Variants in PTCH1 observed in about 807,000 individuals in gnomAD.
PTCH1 encodes the protein protein patched homolog 1.
Under a neutral mutation model 144.6 loss-of-function variants are expected in PTCH1, and 14 were observed. The ratio of observed to expected loss-of-function variants is 0.10; its 90% CI spans 0.06 to 0.15. The LOEUF (loss-of-function observed/expected upper bound fraction) is 0.15. Ranked by LOEUF, PTCH1 falls within the 10% of genes least tolerant of loss-of-function variation. The pLI, the probability that PTCH1 is intolerant of heterozygous loss-of-function variation, is 1.00. For synonymous variants in PTCH1, 833 were observed against 793.6 expected (o/e 1.05, Z -0.83); for missense variants, 1,623 against 1,948.3 (o/e 0.83, Z 3.14).
intron 19 of PTCH1, among the ~76,000 whole-genome samples, chr9:95,455,660 G>A (rs1838846834): frequency 6.6e-6 from 1 of 152,192 alleles, no homozygotes; most frequent in African/African-American, 2.4e-5. Context: ...AAAAATGTCT[G>A]TTGAAAGCAA....
intron 22 of PTCH1, among the ~76,000 whole-genome samples, chr9:95,448,401 C>G (rs544474136): frequency 2.0e-5 from 3 of 152,200 alleles, no homozygotes; most frequent in African/African-American, 7.2e-5. Flanking sequence ...CAGGGCTGAG[C>G]CCATCCCAGG....
At chr9:95,494,663 C>A (rs1422924070) in intron 2 of PTCH1, among the ~76,000 whole-genome samples, 1 of 152,152 alleles carries the variant, frequency 6.6e-6, no homozygotes, top group African/African-American at 2.4e-5. Flanking sequence ...TGATGACGAG[C>A]GCGCGCTGGC....
chr9:95,516,833 G>C, exon 1 of PTCH1: 1 of 1,592,532 alleles, frequency 6.3e-7, no homozygotes, highest in Non-Finnish European at 8.5e-7. Context: ...CCCTCGGCGT[G>C]GGTGGTCTGC....
At position 95,446,956 on chromosome 9, in the gene PTCH1, C is replaced by T. The variant is rs1564004355; in HGVS notation, c.4300G>A (p.Asp1434Asn). ...DSKVEVIELQ[D>N]VECEERPRGS... The stretch of plus-strand genomic sequence containing the variant: ...CGGGGCCTCTCCTCGCATTCCACGT[C>T]CTGCAGCTCAATGACTTCCACCTTC... Residue 1434 changes from aspartate (D) to asparagine (N), a missense_variant, in exon 23 of 24, where the codon GAC becomes AAC. Asp to Asn is a conservative substitution (Grantham distance 23). This residue lies in a region of PTCH1 where 291 missense variants were observed against 287.4 expected (regional missense o/e 1.01). Transcript: ENST00000331920. 2 of 1,614,212 alleles carry T rather than the reference C, an allele frequency of 1.2e-6. No individual in the cohort carries two copies. Among genetic ancestry groups the T allele is most frequent in the African/African-American group, 2.7e-5 (2 of 75,048 alleles).
Position 95,446,339 on chromosome 9 carries a change from T to TG in PTCH1, c.*53dup. ...CTCTTCAAGCAGTTCTGGAAAGAGG[T>TG]GGGGGTGGGGGGTTTCCAATCTTTG... On this transcript the variant is annotated 3_prime_UTR_variant, in exon 24 of 24. Transcript: ENST00000331920. 2.2e-6 allele frequency: 1 copy of TG among 460,996 alleles called. No homozygotes were observed. The highest frequency in any genetic ancestry group is 4.2e-6 in the Non-Finnish European group (1 of 237,372). 28.6% of individuals were successfully genotyped at this position (460,996 alleles called of 1,614,324 possible). A position where few individuals can be genotyped will look rare whatever the true frequency, so the allele number is the denominator to read the frequency against.
chr9:95,449,087 G>A lies in PTCH1; in HGVS notation c.3786C>T (p.Pro1262=), dbSNP rs756182319. 2.0e-5 allele frequency: 33 copies of A among 1,614,092 alleles called. No individual in the cohort carries two copies. The East Asian group carries it at 4.5e-4, about 22-fold the overall frequency. Residue 1262 remains proline, a synonymous_variant, in exon 22 of 24, where the codon CCC becomes CCT. Transcript: ENST00000331920. This position sits in a 1 kb window ranked among gnomAD's most constrained non-coding sequence, Gnocchi z 5.3. The part of the protein sequence containing the change: ...HQVIVEATEN[P]VFAHSTVVHP... ...CACTTACAGTGGAGTGGGCGAAGAC[G>A]GGGTTTTCTGTGGCTTCCACGATCA...
chr9:95,447,222 C>A lies in PTCH1; in HGVS notation c.4034G>T (p.Arg1345Leu). Residue 1345 changes from arginine (R) to leucine (L), a missense_variant, in exon 23 of 24, where the codon CGT (arginine) becomes CTT (leucine). Coordinates refer to ENST00000331920, the MANE Select transcript of PTCH1 (RefSeq NM_000264.5). ...NRARWGPRGA[R>L]SHNPRNPAST... is the part of the protein sequence containing the mutation. ...CGCTGGGTTCCGAGGGTTGTGAGAA[C>A]GGGCCCCGCGAGGGCCCCAGCGGGC... 6.2e-7 allele frequency: 1 copy of A among 1,611,558 alleles called. No homozygotes were observed. Among genetic ancestry groups the A allele is most frequent in the Non-Finnish European group, 8.5e-7 (1 of 1,178,598 alleles).
At position 95,445,804 on chromosome 9, in the gene PTCH1, CACA is replaced by C. The variant is rs1837839600; in HGVS notation, c.*586_*588del. 5 of 155,376 alleles carry C rather than the reference CACA, an allele frequency of 3.2e-5. No individual in the cohort carries two copies. The highest frequency in any genetic ancestry group is 2.6e-4 in the Admixed American group (4 of 15,672). The allele number at this position is 155,376 out of a possible 1,614,324, so 9.6% of individuals were successfully genotyped here. ...CGCACAGCCAAACAAGAGGACCGCA[CACA>C]ACGACACCTAGAGAAGCCACCAGGA... On this transcript the variant is annotated 3_prime_UTR_variant, in exon 24 of 24. Transcript: ENST00000331920.
upstream of PTCH1, among the ~76,000 whole-genome samples, chr9:95,511,934 C>G (rs1486911488): frequency 6.6e-6 from 1 of 152,146 alleles, no homozygotes; most frequent in East Asian, 1.9e-4. Context: ...AGACACGTTG[C>G]TATGTTTGTC....
rs1554698919 is a variant in PTCH1 at position 95,478,230 on chromosome 9, C to T, written c.1216-44G>A. ...GCGAAATGCCCAAATGCAATGAACA[C>T]TTCCACAAGCCTCGACAGCACAGAT... On this transcript the variant is annotated intron_variant, in intron 8 of 23. Coordinates refer to ENST00000331920, the MANE Select transcript of PTCH1 (RefSeq NM_000264.5). 3 of 1,613,550 alleles carry T rather than the reference C, an allele frequency of 1.9e-6. No homozygotes were observed. In the Admixed American group the frequency reaches 5.0e-5, roughly 27 times the overall value.
intron 2 of PTCH1, among the ~76,000 whole-genome samples, chr9:95,502,400 T>G (rs566694324): frequency 6.6e-6 from 1 of 152,116 alleles, no homozygotes; most frequent in African/African-American, 2.4e-5. Flanking sequence ...TGGTGCAGAG[T>G]AGGTACTGAG....
intron 16 of PTCH1, among the ~76,000 whole-genome samples, chr9:95,460,618 G>C (rs1278254745): frequency 6.6e-6 from 1 of 152,198 alleles, no homozygotes; most frequent in East Asian, 1.9e-4. Context: ...GAGAGAGTGA[G>C]AGAACTGGAT....
intron 2 of PTCH1, among the ~76,000 whole-genome samples, chr9:95,493,198 C>T (rs1471876100): frequency 2.0e-5 from 3 of 152,182 alleles, no homozygotes; most frequent in Non-Finnish European, 2.9e-5. Flanking sequence ...AGAGATGTTT[C>T]CCTCATCACG....
At chr9:95,453,185 T>C (rs1838620189) in intron 20 of PTCH1, 9 of 406,262 alleles carry the variant, frequency 2.2e-5, no homozygotes, top group South Asian at 4.2e-5. Flanking sequence ...CAGGCTGGAG[T>C]GTAGTGGCGC....
At chr9:95,515,935 C>T (rs1338529184) in intron 1 of PTCH1, among the ~76,000 whole-genome samples, 1 of 151,940 alleles carries the variant, frequency 6.6e-6, no homozygotes, top group Non-Finnish European at 1.5e-5. Context: ...CCCTTCCCTG[C>T]GGCTGCGGCT....
chr9:95,453,445 C>A, intron 20 of PTCH1, 33 bp downstream of exon 20: 1 of 1,613,266 alleles, frequency 6.2e-7, no homozygotes, highest in Non-Finnish European at 8.5e-7. Context: ...ACAATGATTT[C>A]TAAAACATGT....
intron 2 of PTCH1, among the ~76,000 whole-genome samples, chr9:95,499,642 C>T (rs536324831): frequency 4.4e-4 from 67 of 152,064 alleles, no homozygotes; most frequent in African/African-American, 1.6e-3. Context: ...GAAATTCCCT[C>T]AACTTTTTCT....
At chr9:95,466,303 T>C (rs1020672828) in intron 15 of PTCH1, among the ~76,000 whole-genome samples, 1 of 152,214 alleles carries the variant, frequency 6.6e-6, no homozygotes, top group African/African-American at 2.4e-5. Context: ...CGCCTTGGCA[T>C]CCCAAAGTGC....
At chr9:95,505,995 T>TGGGTGG (rs1843573778) in intron 2 of PTCH1, among the ~76,000 whole-genome samples, 2 of 141,772 alleles carry the variant, frequency 1.4e-5, no homozygotes, top group Non-Finnish European at 3.1e-5. Context: ...TTGGACGCGG[T>TGGGTGG]GGGTGGGGGT....
Sources: allele counts gnomAD v4.1 joint callset (sites outside exome capture counted in the v4.1 genomes callset), GRCh38; gene constraint gnomAD v4.1.1; regional missense constraint gnomAD v4.1.1; non-coding constraint Gnocchi (gnomAD v3.1); transcripts MANE v1.5; gene names NCBI Gene and HGNC (gene_info 2026-07-23, HGNC 2026-07-21).